The following CNTN5 variants were observed in gnomAD, a reference collection of about 807,000 sequenced individuals.
The protein encoded by CNTN5 is contactin-5.
Under a neutral mutation model 129.1 loss-of-function variants are expected in CNTN5, and 77 were observed. The observed-to-expected ratio is 0.60, with a 90% CI of 0.50 to 0.72. The LOEUF (loss-of-function observed/expected upper bound fraction) is 0.72, where lower values mean the gene tolerates loss of function less well. Ranked by LOEUF, CNTN5 falls within the 30% of genes least tolerant of loss-of-function variation. CNTN5 has a pLI of 0.00. For missense variants in CNTN5, 1,478 were observed against 1,328.8 expected, an observed-to-expected ratio of 1.11 and a Z score of -1.75; for synonymous variants, 509 against 465.6, an observed-to-expected ratio of 1.09 and a Z score of -1.20.
At chr11:100,349,041 C>T (rs61908391) in intron 23 of CNTN5, among the ~76,000 whole-genome samples, 3,719 of 151,960 alleles carry the variant, frequency 0.024, 63 homozygotes, top group South Asian at 0.038. Context: ...GAGGCTATAG[C>T]ATCCTTCACA....
chr11:99,834,100 A>G (rs1038450992), intron 4 of CNTN5, among the ~76,000 whole-genome samples: 1 of 152,158 alleles, frequency 6.6e-6, no homozygotes, highest in African/African-American at 2.4e-5. Flanking sequence ...AATATAGTGG[A>G]TATTTTAATG....
chr11:99,741,797 T>A (rs1433076403), intron 3 of CNTN5, among the ~76,000 whole-genome samples: 3 of 152,112 alleles, frequency 2.0e-5, no homozygotes, highest in Admixed American at 6.6e-5. Context: ...AGGTTAAGTA[T>A]TTTTTTCCAT....
intron 8 of CNTN5, among the ~76,000 whole-genome samples, chr11:99,990,567 T>G (rs1939016555): frequency 6.6e-6 from 1 of 151,956 alleles, no homozygotes; most frequent in Admixed American, 6.6e-5. Flanking sequence ...ATAATACTCA[T>G]AATGGTGCAT....
At chr11:100,336,875 G>C (rs775085676) in intron 21 of CNTN5, 37 of 516,084 alleles carry the variant, frequency 7.2e-5, no homozygotes, top group Non-Finnish European at 1.3e-4. Context: ...CAGTGGATTT[G>C]AAAGCTATAG....
At chr11:99,939,639 T>G (rs1303554001) in intron 7 of CNTN5, among the ~76,000 whole-genome samples, 1 of 152,098 alleles carries the variant, frequency 6.6e-6, no homozygotes, top group African/African-American at 2.4e-5. Flanking sequence ...TTTAATTATT[T>G]TGATATTTAA....
chr11:99,830,886 A>G (rs1341053013), intron 4 of CNTN5, among the ~76,000 whole-genome samples: 2 of 152,170 alleles, frequency 1.3e-5, no homozygotes, highest in Non-Finnish European at 2.9e-5. Flanking sequence ...CTGGGAGCTT[A>G]ACAAATATTA....
At chr11:100,127,074 G>T (rs1275583034) in intron 13 of CNTN5, among the ~76,000 whole-genome samples, 1 of 148,934 alleles carries the variant, frequency 6.7e-6, no homozygotes, top group African/African-American at 2.5e-5. Flanking sequence ...GATTACAGGT[G>T]CACACCACCA....
At chr11:100,044,987 G>A (rs1297380503) in intron 9 of CNTN5, among the ~76,000 whole-genome samples, 1 of 151,920 alleles carries the variant, frequency 6.6e-6, no homozygotes, top group Non-Finnish European at 1.5e-5. Flanking sequence ...CTTACTATTA[G>A]GTCTCCTTTT....
At chr11:99,286,577 C>T (rs1863949128) in intron 1 of CNTN5, among the ~76,000 whole-genome samples, 1 of 152,022 alleles carries the variant, frequency 6.6e-6, no homozygotes, top group African/African-American at 2.4e-5. Context: ...ACACATAGGC[C>T]ATCAATGATG....
Position 99,963,562 on chromosome 11 carries a change from C to T in CNTN5, c.877+6553C>T, listed in dbSNP as rs187346969. Among the ~76,000 whole-genome samples, 353 of 152,170 alleles carry T rather than the reference C, an allele frequency of 2.3e-3. 2 individuals are homozygous for T. Among genetic ancestry groups the T allele is most frequent in the Non-Finnish European group, 1.6e-3 (109 of 68,010 alleles). On this transcript the variant is annotated intron_variant, in intron 8 of 24. Transcript: ENST00000524871. ...ACCATGCTGTTTTGGTTACTGTAAC[C>T]TTGTGGTATAGTTTGAGGTCAGGTA...
intron 13 of CNTN5, among the ~76,000 whole-genome samples, chr11:100,177,031 T>C (rs983192061): frequency 4.6e-5 from 7 of 152,006 alleles, no homozygotes; most frequent in Admixed American, 3.9e-4. Context: ...TGTTATCTTG[T>C]AGGCATGGGG....
chr11:99,630,298 T>A lies in CNTN5; in HGVS notation c.55+74029T>A, dbSNP rs112001562. Among the ~76,000 whole-genome samples the A allele has an allele frequency of 2.7e-3, 409 of 151,708 alleles. 4 individuals carry two copies. Among genetic ancestry groups the A allele is most frequent in the African/African-American group, 9.5e-3 (393 of 41,258 alleles). ...TATACACATAATATGGTTGGAAAGATCATTTAAAAAGTTAACAGTAATTGC... is the reference window on the plus strand; with the variant it reads ...TATACACATAATATGGTTGGAAAGAACATTTAAAAAGTTAACAGTAATTGC... On this transcript the variant is annotated intron_variant, in intron 3 of 24. Coordinates refer to ENST00000524871, the MANE Select transcript of CNTN5 (RefSeq NM_014361.4).
chr11:100,273,479 C>T (rs184796127), intron 18 of CNTN5, among the ~76,000 whole-genome samples: 1 of 152,240 alleles, frequency 6.6e-6, no homozygotes, highest in African/African-American at 2.4e-5. Context: ...CCTGTCCCAA[C>T]AAGTACCCCA....
At chr11:99,408,592 C>T (rs573169724) in intron 2 of CNTN5, among the ~76,000 whole-genome samples, 219 of 152,124 alleles carry the variant, frequency 1.4e-3, no homozygotes, top group African/African-American at 5.1e-3. Context: ...CCTCGGCCTC[C>T]CAAAGTGCTG....
chr11:99,685,037 G>A (rs572135661), intron 3 of CNTN5, among the ~76,000 whole-genome samples: 1 of 150,458 alleles, frequency 6.6e-6, no homozygotes, highest in Non-Finnish European at 1.5e-5. Context: ...TTTTTCTAAG[G>A]TATGTATTTA....
At chr11:99,942,600 G>A (rs1950464893) in intron 7 of CNTN5, among the ~76,000 whole-genome samples, 1 of 152,004 alleles carries the variant, frequency 6.6e-6, no homozygotes, top group Non-Finnish European at 1.5e-5. Flanking sequence ...ATGGTGGTTT[G>A]CTGCACCTAT....
At chr11:99,582,294 A>G (rs56147128) in intron 3 of CNTN5, among the ~76,000 whole-genome samples, 9,559 of 152,106 alleles carry the variant, frequency 0.063, 358 homozygotes, top group Non-Finnish European at 0.074. Context: ...GAATCTGACA[A>G]TTATGTGTCT....
intron 8 of CNTN5, among the ~76,000 whole-genome samples, chr11:99,976,373 A>G (rs1228942182): frequency 6.6e-6 from 1 of 152,200 alleles, no homozygotes; most frequent in East Asian, 1.9e-4. Flanking sequence ...TCCACTGGGC[A>G]GCATCCCAGT....
At chr11:99,928,481 G>A (rs1340603150) in intron 7 of CNTN5, among the ~76,000 whole-genome samples, 1 of 152,202 alleles carries the variant, frequency 6.6e-6, no homozygotes, top group African/African-American at 2.4e-5. Flanking sequence ...TCTAGCCAGA[G>A]GTTCCCAAAC....
Sources: allele counts gnomAD v4.1 joint callset (sites outside exome capture counted in the v4.1 genomes callset), GRCh38; gene constraint gnomAD v4.1.1; transcripts MANE v1.5; gene names NCBI Gene and HGNC (gene_info 2026-07-23, HGNC 2026-07-21).